ESYT2: variants seen among roughly 807,000 people sequenced by gnomAD.
The protein encoded by ESYT2 is extended synaptotagmin 2, also known as extended synaptotagmin-2.
A neutral mutation model predicts 107.2 loss-of-function variants in ESYT2; 54 were observed. That is an observed-to-expected ratio of 0.50 (90% confidence interval 0.40 to 0.63). The LOEUF (loss-of-function observed/expected upper bound fraction) is 0.63. Ranked by LOEUF, ESYT2 falls within the 30% of genes least tolerant of loss-of-function variation. The pLI is 0.00. For missense variants in ESYT2, 1,020 were observed against 1,094.5 expected (o/e 0.93, Z 0.96); for synonymous variants, 491 against 434.1 (o/e 1.13, Z -1.63).
intron 1 of ESYT2, among the ~76,000 whole-genome samples, chr7:158,812,855 G>A (rs1010390138): frequency 2.6e-5 from 4 of 152,162 alleles, no homozygotes; most frequent in African/African-American, 7.2e-5. Flanking sequence ...ACATGCCTCC[G>A]TTTACAGGAA....
chr7:158,761,610 A>G, intron 10 of ESYT2, 66 bp from the exon 11 acceptor site: 1 of 1,391,648 alleles, frequency 7.2e-7, no homozygotes. Context: ...ACAACTTTAA[A>G]ACATAGAAAA....
intron 6 of ESYT2, among the ~76,000 whole-genome samples, chr7:158,782,224 T>G (rs1314882520): frequency 4.1e-5 from 3 of 73,882 alleles, no homozygotes; most frequent in Non-Finnish European, 1.0e-4. Flanking sequence ...TGAGAACAGA[T>G]GTGAGTGTAA....
intron 17 of ESYT2, among the ~76,000 whole-genome samples, chr7:158,742,441 T>C (rs1342744166): frequency 6.6e-6 from 1 of 152,240 alleles, no homozygotes; most frequent in East Asian, 1.9e-4. Context: ...TTCTACACAA[T>C]TGTGGGACAA....
intron 6 of ESYT2, among the ~76,000 whole-genome samples, chr7:158,775,107 A>C (rs1257516668): frequency 6.6e-6 from 1 of 152,200 alleles, no homozygotes; most frequent in East Asian, 1.9e-4. Context: ...AGTCACACAC[A>C]TTTTTTGGTT....
chr7:158,807,468 AACTT>A (rs1839866028), intron 1 of ESYT2, among the ~76,000 whole-genome samples: 1 of 152,024 alleles, frequency 6.6e-6, no homozygotes, highest in Non-Finnish European at 1.5e-5. Context: ...ACCACCCTAA[AACTT>A]ACTGTTTCCT....
In ESYT2 at chr7:158,790,173, A is replaced by G. The variant is rs142649253; in HGVS notation, c.585-1756T>C. Among the ~76,000 whole-genome samples, 79 of 152,302 alleles carry G rather than the reference A, an allele frequency of 5.2e-4. 1 individual carries two copies. In the East Asian group the frequency reaches 0.015, roughly 28 times the overall value. The stretch of plus-strand genomic sequence containing the variant: ...AGCACCAAATATTTTAAAGAGGCAG[A>G]TTTTTCCATATTAAAGAAAGTCTAT... On this transcript the variant is annotated intron_variant, in intron 4 of 22. Coordinates refer to ENST00000275418, the MANE Select transcript of ESYT2 (RefSeq NM_001367773.1).
intron 14 of ESYT2, among the ~76,000 whole-genome samples, chr7:158,751,869 A>G (rs1289631808): frequency 6.6e-6 from 1 of 152,172 alleles, no homozygotes; most frequent in Non-Finnish European, 1.5e-5. Context: ...ATTCCTTTCA[A>G]TGTTCTGGAG....
At chr7:158,782,989 G>T (rs1295489658) in intron 6 of ESYT2, among the ~76,000 whole-genome samples, 1 of 152,216 alleles carries the variant, frequency 6.6e-6, no homozygotes, top group African/African-American at 2.4e-5. Flanking sequence ...GCTTTAGAAG[G>T]CGCCTTTGGA....
At chr7:158,742,143 C>T (rs544325666) in intron 17 of ESYT2, among the ~76,000 whole-genome samples, 1 of 152,298 alleles carries the variant, frequency 6.6e-6, no homozygotes, top group East Asian at 1.9e-4. Context: ...ACAGGGGTGA[C>T]CATCGCGCAC....
intron 1 of ESYT2, among the ~76,000 whole-genome samples, chr7:158,823,779 T>A (rs562601951): frequency 6.6e-6 from 1 of 152,310 alleles, no homozygotes; most frequent in East Asian, 1.9e-4. Flanking sequence ...CATGAAAGCC[T>A]ACAGAAACGA....
chr7:158,816,344 C>T (rs1439396599), intron 1 of ESYT2, among the ~76,000 whole-genome samples: 1 of 152,186 alleles, frequency 6.6e-6, no homozygotes, highest in East Asian at 1.9e-4. Flanking sequence ...CAGCTCACTG[C>T]AGCCTCAATC....
At chr7:158,790,250 A>G (rs760327053) in intron 4 of ESYT2, among the ~76,000 whole-genome samples, 11 of 152,180 alleles carry the variant, frequency 7.2e-5, no homozygotes, top group African/African-American at 2.2e-4. Context: ...CATTCACTAT[A>G]TTTAAATACT....
At chr7:158,749,996 A>G (rs1209192422) in intron 14 of ESYT2, among the ~76,000 whole-genome samples, 1 of 152,222 alleles carries the variant, frequency 6.6e-6, no homozygotes, top group Non-Finnish European at 1.5e-5. Flanking sequence ...AAAAATTCTT[A>G]ATGTTAATCA....
chr7:158,776,631 A>G (rs1838575784), intron 6 of ESYT2, among the ~76,000 whole-genome samples: 1 of 152,218 alleles, frequency 6.6e-6, no homozygotes, highest in Admixed American at 6.5e-5. Flanking sequence ...TTAAGGAAAT[A>G]TAATGTCTGG....
intron 2 of ESYT2, 119 bp from the exon 3 acceptor site, chr7:158,798,195 G>T: frequency 1.9e-6 from 2 of 1,052,376 alleles, no homozygotes; most frequent in South Asian, 1.7e-5. Context: ...AGGGCGGGAG[G>T]ATCTTGTTGT....
At chr7:158,795,597 G>T (rs1262807229) in intron 3 of ESYT2, among the ~76,000 whole-genome samples, 1 of 117,966 alleles carries the variant, frequency 8.5e-6, no homozygotes, top group Non-Finnish European at 1.8e-5. Context: ...CGTACAGACA[G>T]AGCATGCAGC....
At position 158,789,663 on chromosome 7, in the gene ESYT2, AT is replaced by A. The variant is rs113801234; in HGVS notation, c.585-1247del. Among the ~76,000 whole-genome samples the A allele has an allele frequency of 1.7e-4, 26 of 152,150 alleles. 3 individuals are homozygous for A. Among genetic ancestry groups the A allele is most frequent in the African/African-American group, 6.3e-4 (26 of 41,526 alleles). On this transcript the variant is annotated intron_variant, in intron 4 of 22. Transcript: ENST00000275418. ...TGAGCCACCGCACCTGGCCTGGATC[AT>A]TTTATTTTCTAATACTTTTCAATTA... is the stretch of plus-strand genomic sequence containing the variant.
At position 158,798,073 on chromosome 7, in the gene ESYT2, C is replaced by T. The variant is rs538476477; in HGVS notation, c.376G>A (p.Val126Ile). Residue 126 changes from valine to isoleucine, a missense_variant, in exon 3 of 23, where the codon GTA becomes ATA. Transcript: ENST00000275418. ...TERAEWLNKTVKHMWPFICQF... is the reference protein window; with the variant it reads ...TERAEWLNKTIKHMWPFICQF... ...CAAATGAAAGGCCACATGTGTTTTA[C>T]AGTCTGGAAAGGAAAAAGAACTCAG... The T allele has an allele frequency of 5.6e-6, 9 of 1,614,072 alleles. No individual in the cohort carries two copies. Among genetic ancestry groups the T allele is most frequent in the Middle Eastern group, 1.7e-4 (1 of 6,060 alleles).
At chr7:158,826,931 A>G (rs550866104) in intron 1 of ESYT2, among the ~76,000 whole-genome samples, 58 of 151,134 alleles carry the variant, frequency 3.8e-4, no homozygotes, top group African/African-American at 1.4e-3. Flanking sequence ...TGGGGAGGCC[A>G]AGGCAGGCGG....
Sources: gnomAD v4.1 joint callset for allele counts (sites outside exome capture counted in the v4.1 genomes callset) on GRCh38, gnomAD v4.1.1 for gene constraint, MANE v1.5 for transcripts, NCBI Gene and HGNC (gene_info 2026-07-23, HGNC 2026-07-21) for gene names.